TACR3: variants seen among roughly 807,000 people sequenced by gnomAD.
TACR3 encodes the protein neuromedin-K receptor.
In TACR3, 34 loss-of-function variants were observed where a neutral mutation model predicts 35.0. The ratio of observed to expected loss-of-function variants is 0.97; its 90% confidence interval spans 0.74 to 1.30. The LOEUF is 1.30. Among genes scored for constraint, TACR3 ranks in the 50% most tolerant of loss-of-function variants. The pLI, the probability that TACR3 is intolerant of heterozygous loss-of-function variation, is 0.00. For synonymous variants in TACR3, 233 were observed against 221.1 expected (o/e 1.05, Z -0.48); for missense variants, 558 against 591.7 (o/e 0.94, Z 0.59).
In TACR3 at chr4:103,588,050, G is replaced by C. The variant is rs1044803177; in HGVS notation, c.*1632C>G. 2.6e-5 allele frequency: 4 copies of C among 151,814 alleles called. No homozygotes were observed. The highest frequency in any genetic ancestry group is 1.3e-4 in the Admixed American group (2 of 15,218). 9.4% of individuals were successfully genotyped at this position (151,814 alleles called of 1,614,324 possible). A position where few individuals can be genotyped will look rare whatever the true frequency, so the allele number is the denominator to read the frequency against. ...GAAGAAATTCAGCTGGAACACATATGTTTAGCTTGTTTAGACTCCGAACTT... is the reference window on the plus strand; with the variant it reads ...GAAGAAATTCAGCTGGAACACATATCTTTAGCTTGTTTAGACTCCGAACTT... On this transcript the variant is annotated 3_prime_UTR_variant, in exon 5 of 5. Coordinates refer to ENST00000304883, the MANE Select transcript of TACR3 (RefSeq NM_001059.3).
chr4:103,675,991 CA>C (rs1349214645), intron 1 of TACR3, among the ~76,000 whole-genome samples: 3 of 152,164 alleles, frequency 2.0e-5, no homozygotes, highest in Non-Finnish European at 4.4e-5. Context: ...CACTCAGATA[CA>C]GAATAATCAC....
intron 3 of TACR3, among the ~76,000 whole-genome samples, chr4:103,603,572 T>C (rs574911600): frequency 1.3e-5 from 2 of 152,334 alleles, no homozygotes; most frequent in African/African-American, 4.8e-5. Context: ...CAGTCTATCA[T>C]TGATGGGCAT....
At chr4:103,611,994 C>T (rs181527547) in intron 3 of TACR3, among the ~76,000 whole-genome samples, 14 of 152,240 alleles carry the variant, frequency 9.2e-5, no homozygotes, top group South Asian at 2.1e-4. Flanking sequence ...TAAACAAATG[C>T]GATAACCATC....
chr4:103,685,055 C>T (rs990987747), intron 1 of TACR3, among the ~76,000 whole-genome samples: 5 of 149,954 alleles, frequency 3.3e-5, no homozygotes, highest in Admixed American at 6.7e-5. Flanking sequence ...AGTTTAAAAG[C>T]GGAATAGGAA....
At chr4:103,625,890 C>T (rs1724881485) in intron 3 of TACR3, among the ~76,000 whole-genome samples, 1 of 151,970 alleles carries the variant, frequency 6.6e-6, no homozygotes, top group African/African-American at 2.4e-5. Flanking sequence ...GTCTGTAATC[C>T]AAAAATAACT....
chr4:103,598,699 A>G (rs1724106183), intron 3 of TACR3, among the ~76,000 whole-genome samples: 1 of 152,134 alleles, frequency 6.6e-6, no homozygotes, highest in South Asian at 2.1e-4. Context: ...AGCACCATTG[A>G]TTAAATAGGG....
Position 103,589,418 on chromosome 4 carries a change from C to T in TACR3, c.*264G>A. On this transcript the variant is annotated 3_prime_UTR_variant, in exon 5 of 5. Coordinates refer to ENST00000304883, the MANE Select transcript of TACR3 (RefSeq NM_001059.3). ...GACTGGCGAGTTTACAAGTATTTTC[C>T]TGACATATTTTTGTTCATTGCATAT... 1 of 399,466 alleles carries T rather than the reference C, an allele frequency of 2.5e-6. No individual in the cohort carries two copies. The highest frequency in any genetic ancestry group is 4.6e-6 in the Non-Finnish European group (1 of 219,260). 24.7% of individuals were successfully genotyped at this position (399,466 alleles called of 1,614,324 possible). A position where few individuals can be genotyped will look rare whatever the true frequency, so the allele number is the denominator to read the frequency against.
At chr4:103,681,568 C>T (rs1478574432) in intron 1 of TACR3, among the ~76,000 whole-genome samples, 3 of 151,934 alleles carry the variant, frequency 2.0e-5, no homozygotes, top group East Asian at 1.9e-4. Flanking sequence ...ACCAAGAAGA[C>T]GAAATAATCC....
chr4:103,679,223 A>G lies in TACR3; in HGVS notation c.549-20820T>C, dbSNP rs540524232. On this transcript the variant is annotated intron_variant, in intron 1 of 4. Coordinates refer to ENST00000304883, the MANE Select transcript of TACR3 (RefSeq NM_001059.3). ...ATTGCTTTCTTATAGGTAAAAGCCA[A>G]TCATAATCCTGAATTTATATTCTTC... Among the ~76,000 whole-genome samples the G allele has an allele frequency of 1.2e-4, 18 of 152,186 alleles. No homozygotes were observed. The South Asian group carries it at 1.9e-3, about 16-fold the overall frequency.
At chr4:103,633,633 C>T (rs1725117222) in intron 3 of TACR3, among the ~76,000 whole-genome samples, 2 of 152,092 alleles carry the variant, frequency 1.3e-5, no homozygotes, top group Admixed American at 6.6e-5. Context: ...CATAGCTTAG[C>T]TCCCACAATC....
At chr4:103,653,254 G>A (rs1380746950) in intron 3 of TACR3, among the ~76,000 whole-genome samples, 1 of 151,826 alleles carries the variant, frequency 6.6e-6, no homozygotes, top group Admixed American at 6.6e-5. Flanking sequence ...AAACTGTGGA[G>A]TAATGAAATC....
At chr4:103,635,001 T>A (rs77293783) in intron 3 of TACR3, among the ~76,000 whole-genome samples, 3,974 of 152,138 alleles carry the variant, frequency 0.026, 178 homozygotes, top group African/African-American at 0.09. Context: ...GGAATTTTTT[T>A]AATCAAAGAT....
chr4:103,715,870 CAAGT>C (rs1254131201), intron 1 of TACR3, among the ~76,000 whole-genome samples: 1 of 152,026 alleles, frequency 6.6e-6, no homozygotes, highest in Non-Finnish European at 1.5e-5. Flanking sequence ...TCTACTTTCT[CAAGT>C]AAAACATAGA....
Position 103,650,582 on chromosome 4 carries a change from TAATAA to T in TACR3, c.888+5607_888+5611del, listed in dbSNP as rs1261698843. ...ATAAAATAAATATATAAAATAAATT[TAATAA>T]AATAAAATTTATATAAAATATATAA... On this transcript the variant is annotated intron_variant, in intron 3 of 4. Coordinates refer to ENST00000304883, the MANE Select transcript of TACR3 (RefSeq NM_001059.3). Among the ~76,000 whole-genome samples the T allele has an allele frequency of 5.4e-4, 53 of 98,426 alleles. No homozygotes were observed. In the South Asian group the frequency reaches 6.1e-3, roughly 11 times the overall value. The allele number at this position is 98,426 out of a possible 152,430, so 64.6% of individuals were successfully genotyped here. A position where few individuals can be genotyped will look rare whatever the true frequency, so the allele number is the denominator to read the frequency against.
intron 3 of TACR3, among the ~76,000 whole-genome samples, chr4:103,621,547 G>T (rs1056239588): frequency 6.6e-6 from 1 of 152,116 alleles, no homozygotes; most frequent in East Asian, 1.9e-4. Context: ...AAACAAGAAT[G>T]GAGAAAAGGC....
At chr4:103,657,451 T>TTTG (rs1458995328) in intron 2 of TACR3, among the ~76,000 whole-genome samples, 2 of 152,042 alleles carry the variant, frequency 1.3e-5, no homozygotes, top group Non-Finnish European at 2.9e-5. Flanking sequence ...TCCTAATATT[T>TTTG]TTGTTCAAAA....
At position 103,618,946 on chromosome 4, in the gene TACR3, T is replaced by C. The variant is rs184663780; in HGVS notation, c.889-27263A>G. 4.3e-3 allele frequency among the ~76,000 whole-genome samples: 662 copies of C among 152,306 alleles called. 3 individuals are homozygous for C. The highest frequency in any genetic ancestry group is 0.015 in the African/African-American group (634 of 41,576). ...TTGATTTTTGTACGTTGATTTTGTA[T>C]CCTGAAATTTTACTAAAGTTGTTTA... On this transcript the variant is annotated intron_variant, in intron 3 of 4. Coordinates refer to ENST00000304883, the MANE Select transcript of TACR3 (RefSeq NM_001059.3).
At position 103,719,813 on chromosome 4, in the gene TACR3, C is replaced by A. The variant is rs1723175518; in HGVS notation, c.-138G>T. The A allele has an allele frequency of 8.8e-7, 1 of 1,139,758 alleles. No individual in the cohort carries two copies. Among genetic ancestry groups the A allele is most frequent in the East Asian group, 2.6e-5 (1 of 38,708 alleles). The allele number at this position is 1,139,758 out of a possible 1,614,324, so 70.6% of individuals were successfully genotyped here. On this transcript the variant is annotated 5_prime_UTR_variant, in exon 1 of 5. Coordinates refer to ENST00000304883, the MANE Select transcript of TACR3 (RefSeq NM_001059.3). ...TAAGACTGGAAGCTGAAAGATACTG[C>A]AATCCCTGCTGGTTAGGGGATGCAG...
intron 1 of TACR3, among the ~76,000 whole-genome samples, chr4:103,706,670 A>G (rs1169938445): frequency 3.9e-5 from 6 of 152,128 alleles, no homozygotes; most frequent in Non-Finnish European, 5.9e-5. Context: ...GGTTGGTGAT[A>G]TTTAGAGGGT....
Sources: gnomAD v4.1 joint callset for allele counts (sites outside exome capture counted in the v4.1 genomes callset) on GRCh38, gnomAD v4.1.1 for gene constraint, MANE v1.5 for transcripts, NCBI Gene and HGNC (gene_info 2026-07-23, HGNC 2026-07-21) for gene names.